The following NRCAM variants were observed in gnomAD, a reference collection of about 807,000 sequenced individuals.
NRCAM encodes neuronal cell adhesion molecule.
In NRCAM, 83 loss-of-function variants were observed where a neutral mutation model predicts 156.5. The observed-to-expected ratio is 0.53, with a 90% CI of 0.44 to 0.64. The LOEUF (loss-of-function observed/expected upper bound fraction) is 0.64. Ranked by LOEUF, NRCAM falls within the 30% of genes least tolerant of loss-of-function variation. The pLI is 0.00. For missense variants in NRCAM, 1,417 were observed against 1,597.3 expected, an observed-to-expected ratio of 0.89 and a Z score of 1.92; for synonymous variants, 538 against 563.9, an observed-to-expected ratio of 0.95 and a Z score of 0.65.
chr7:108,198,708 C>T (rs1453364469), intron 13 of NRCAM, among the ~76,000 whole-genome samples: 1 of 152,188 alleles, frequency 6.6e-6, no homozygotes, highest in Non-Finnish European at 1.5e-5. Context: ...AATAAATCAA[C>T]AAATACATAA....
Position 108,225,685 on chromosome 7 carries a change from G to T in NRCAM, c.738C>A (p.Asp246Glu). Residue 246 changes from aspartate to glutamate, a missense_variant, in exon 10 of 33, where the codon GAC becomes GAA. Physicochemically the swap from Asp to Glu is conservative, Grantham distance 45 (BLOSUM62 2). Around this residue, in one of 2 missense-constraint regions of NRCAM, gnomAD observed 1,238 missense variants for 1,336.4 expected, o/e 0.93. Transcript: ENST00000379028. Reference sequence around the variant, plus strand: ...TGTCACTCAAATTAGCAGCTATAGTGTCATTCAATTCATCCACTGAAATAA... The same window carrying T: ...TGTCACTCAAATTAGCAGCTATAGTTTCATTCAATTCATCCACTGAAATAA... ...VKVISVDELN[D>E]TIAANLSDTE... The T allele has an allele frequency of 6.3e-7, 1 of 1,598,938 alleles. No individual in the cohort carries two copies. The highest frequency in any genetic ancestry group is 8.6e-7 in the Non-Finnish European group (1 of 1,166,386).
intron 1 of NRCAM, among the ~76,000 whole-genome samples, chr7:108,407,610 T>C (rs552395112): frequency 6.6e-6 from 1 of 152,300 alleles, no homozygotes; most frequent in East Asian, 1.9e-4. Context: ...TGTAGATCTG[T>C]AGTTTGACAG....
chr7:108,337,598 G>C, intron 2 of NRCAM, among the ~76,000 whole-genome samples: 1 of 152,172 alleles, frequency 6.6e-6, no homozygotes, highest in East Asian at 1.9e-4. Flanking sequence ...ACTAGTCACT[G>C]GGTTCCACAG....
At chr7:108,299,185 G>A (rs938544503) in intron 3 of NRCAM, among the ~76,000 whole-genome samples, 3 of 145,862 alleles carry the variant, frequency 2.1e-5, no homozygotes, top group Admixed American at 1.4e-4. Flanking sequence ...GGGTGAGGAC[G>A]CAAAGGGGCC....
At chr7:108,177,879 T>G in intron 26 of NRCAM, 111 bp downstream of exon 26, 2 of 879,922 alleles carry the variant, frequency 2.3e-6, no homozygotes, top group Non-Finnish European at 1.7e-6. Context: ...GATCACTATA[T>G]GTATCGAAAC....
At position 108,180,300 on chromosome 7, in the gene NRCAM, G is replaced by T. The variant is rs755537904; in HGVS notation, c.2774C>A (p.Thr925Lys). 1.1e-5 allele frequency: 17 copies of T among 1,614,210 alleles called. No individual in the cohort carries two copies. The South Asian group carries it at 1.2e-4, about 11-fold the overall frequency. The change falls in exon 25 of 33, where the codon ACA (threonine) becomes AAA (lysine). Residue 925 changes from threonine (T) to lysine (K), a missense_variant. Around this residue, in one of 2 missense-constraint regions of NRCAM, gnomAD observed 1,238 missense variants for 1,336.4 expected, o/e 0.93. Coordinates refer to ENST00000379028, the MANE Select transcript of NRCAM (RefSeq NM_001037132.4). ...LPGLEPFSHY[T>K]LNVRVVNGKG... ...CCCATTGACCACTCGGACATTCAGT[G>T]TGTAGTGGCTAAAGGGCTCTAGCCC...
In NRCAM at chr7:108,201,604, C is replaced by T. The variant is rs73414328; in HGVS notation, c.1208-3505G>A. Reference sequence around the variant, plus strand: ...CCACAATAATAATAATAATGTTACACGACCATGAACTTGGAGGGCAAAGCT... The same window carrying T: ...CCACAATAATAATAATAATGTTACATGACCATGAACTTGGAGGGCAAAGCT... On this transcript the variant is annotated intron_variant, in intron 13 of 32. Transcript: ENST00000379028. 5.8e-3 allele frequency among the ~76,000 whole-genome samples: 876 copies of T among 152,202 alleles called. 10 individuals are homozygous for T. The highest frequency in any genetic ancestry group is 0.02 in the African/African-American group (841 of 41,540).
intron 28 of NRCAM, among the ~76,000 whole-genome samples, chr7:108,169,794 C>A (rs906953125): frequency 3.9e-5 from 6 of 152,002 alleles, no homozygotes; most frequent in African/African-American, 1.4e-4. Flanking sequence ...AATGGCAACC[C>A]AGGAAAAACA....
intron 2 of NRCAM, among the ~76,000 whole-genome samples, chr7:108,354,910 A>T (rs2099475102): frequency 6.6e-6 from 1 of 152,154 alleles, no homozygotes; most frequent in South Asian, 2.1e-4. Context: ...AAAAAAAGCA[A>T]TTTCACTTCT....
At chr7:108,349,136 C>A (rs2099392444) in intron 2 of NRCAM, among the ~76,000 whole-genome samples, 1 of 152,154 alleles carries the variant, frequency 6.6e-6, no homozygotes. Flanking sequence ...TAGAAACTGA[C>A]CAAAGAGAGC....
chr7:108,211,452 T>C (rs1489650233), intron 11 of NRCAM, among the ~76,000 whole-genome samples: 1 of 152,158 alleles, frequency 6.6e-6, no homozygotes, highest in Non-Finnish European at 1.5e-5. Context: ...ACTAAGCCCT[T>C]TTCTTTTGCC....
intron 2 of NRCAM, among the ~76,000 whole-genome samples, chr7:108,394,316 T>C (rs2099770819): frequency 6.6e-6 from 1 of 152,200 alleles, no homozygotes. Flanking sequence ...CCACAGTGAC[T>C]GTGTCTTCTG....
intron 1 of NRCAM, among the ~76,000 whole-genome samples, chr7:108,412,106 A>G (rs1391859035): frequency 3.3e-5 from 5 of 152,224 alleles, no homozygotes; most frequent in African/African-American, 1.2e-4. Flanking sequence ...ATAAATGTAT[A>G]AGAAAACTGT....
At chr7:108,451,213 C>T (rs1054285015) in intron 1 of NRCAM, among the ~76,000 whole-genome samples, 5 of 139,958 alleles carry the variant, frequency 3.6e-5, no homozygotes, top group African/African-American at 8.0e-5. Context: ...GGCGAGACTC[C>T]GTCTCCAAAA....
chr7:108,336,741 C>G (rs1361544372), intron 2 of NRCAM, among the ~76,000 whole-genome samples: 2 of 152,060 alleles, frequency 1.3e-5, no homozygotes, highest in Non-Finnish European at 2.9e-5. Context: ...ATGTAAACAA[C>G]TGAATGTAAA....
intron 30 of NRCAM, among the ~76,000 whole-genome samples, chr7:108,166,564 TATA>T (rs1172944628): frequency 6.6e-6 from 1 of 152,160 alleles, no homozygotes; most frequent in Non-Finnish European, 1.5e-5. Context: ...GTGACTTTCT[TATA>T]AGTTCTTTCA....
intron 13 of NRCAM, among the ~76,000 whole-genome samples, chr7:108,205,143 G>A (rs1287360094): frequency 6.6e-6 from 1 of 152,172 alleles, no homozygotes; most frequent in Non-Finnish European, 1.5e-5. Flanking sequence ...ATCAGGAAAT[G>A]AGGGTTTCCC....
intron 3 of NRCAM, among the ~76,000 whole-genome samples, chr7:108,288,422 C>A (rs752980965): frequency 1.1e-4 from 17 of 151,994 alleles, no homozygotes; most frequent in Non-Finnish European, 2.1e-4. Context: ...CATATATTGG[C>A]AATGGCTACT....
Position 108,216,818 on chromosome 7 carries a change from C to CT in NRCAM, c.890+6906dup, listed in dbSNP as rs200051629. On this transcript the variant is annotated intron_variant, in intron 11 of 32. Coordinates refer to ENST00000379028, the MANE Select transcript of NRCAM (RefSeq NM_001037132.4). ...TATTCTAATTAGCAATTCCTCTAACCTTTTTTCAAGGTTCTTAGCTTCCTT... is the reference window on the plus strand; with the variant it reads ...TATTCTAATTAGCAATTCCTCTAACCTTTTTTTCAAGGTTCTTAGCTTCCTT... Among the ~76,000 whole-genome samples the CT allele has an allele frequency of 4.8e-3, 728 of 152,154 alleles. 10 individuals carry two copies. The highest frequency in any genetic ancestry group is 0.017 in the African/African-American group (701 of 41,508).
Sources: gnomAD v4.1 joint callset for allele counts (sites outside exome capture counted in the v4.1 genomes callset) on GRCh38, gnomAD v4.1.1 for gene constraint, gnomAD v4.1.1 regional missense constraint, MANE v1.5 for transcripts, NCBI Gene and HGNC (gene_info 2026-07-23, HGNC 2026-07-21) for gene names.